Variants in EYS observed in about 807,000 individuals in gnomAD.
The protein encoded by EYS is EGF-like photoreceptor maintenance factor, also known as protein eyes shut homolog.
EYS carries 250 observed loss-of-function variants against 282.1 expected under a neutral mutation model. The observed-to-expected ratio is 0.89, with a 90% CI of 0.80 to 0.98. The LOEUF (loss-of-function observed/expected upper bound fraction) is 0.98, where lower values mean the gene tolerates loss of function less well. EYS is among the 50% of genes least tolerant of loss of function. The pLI, the probability that EYS is intolerant of heterozygous loss-of-function variation, is 0.00. For synonymous variants in EYS, 1,355 were observed against 1,282.9 expected, an observed-to-expected ratio of 1.06 and a Z score of -1.20; for missense variants, 4,016 against 3,709.0, an observed-to-expected ratio of 1.08 and a Z score of -2.15.
chr6:65,129,990 A>T (rs1007931450), intron 12 of EYS, among the ~76,000 whole-genome samples: 1 of 151,976 alleles, frequency 6.6e-6, no homozygotes. Flanking sequence ...AAAGAAAAAA[A>T]ATCATTTCAT....
intron 22 of EYS, among the ~76,000 whole-genome samples, chr6:64,661,591 C>T (rs1374888772): frequency 1.3e-5 from 2 of 151,792 alleles, no homozygotes; most frequent in African/African-American, 4.8e-5. Flanking sequence ...ACAGACACTT[C>T]TCAAAAGAAG....
chr6:64,019,759 T>C (rs1371256835), intron 33 of EYS, among the ~76,000 whole-genome samples: 1 of 151,030 alleles, frequency 6.6e-6, no homozygotes, highest in Non-Finnish European at 1.5e-5. Context: ...AAGCAAAGGT[T>C]TGAATACTAA....
rs141378447 is a variant in EYS, at chr6:64,278,772, C to T, written c.6191+28198G>A. 3.0e-3 allele frequency among the ~76,000 whole-genome samples: 450 copies of T among 152,078 alleles called. 3 individuals are homozygous for T. The highest frequency in any genetic ancestry group is 0.01 in the African/African-American group (421 of 41,484). ...TTTCTCTCTGTCTCTCCTCCCTCTCCTCTCTTTCTGAGATAGGGTCTCGCT... is the reference window on the plus strand; with the variant it reads ...TTTCTCTCTGTCTCTCCTCCCTCTCTTCTCTTTCTGAGATAGGGTCTCGCT... On this transcript the variant is annotated intron_variant, in intron 30 of 42. Transcript: ENST00000503581.
At chr6:64,277,263 T>C (rs1343180342) in intron 30 of EYS, among the ~76,000 whole-genome samples, 2 of 152,174 alleles carry the variant, frequency 1.3e-5, no homozygotes, top group Non-Finnish European at 1.5e-5. Flanking sequence ...CACAGGTGTA[T>C]TGAACACATC....
chr6:63,860,233 TA>T (rs1026823070), intron 36 of EYS, among the ~76,000 whole-genome samples: 3 of 152,202 alleles, frequency 2.0e-5, no homozygotes, highest in African/African-American at 7.2e-5. Flanking sequence ...CCTGTTGATG[TA>T]AAAAAGGTTT....
At chr6:64,708,951 A>G (rs1365684314) in intron 22 of EYS, among the ~76,000 whole-genome samples, 1 of 152,194 alleles carries the variant, frequency 6.6e-6, no homozygotes, top group African/African-American at 2.4e-5. Context: ...AGTTTTTGAC[A>G]TCGTGTTTAA....
Position 65,494,748 on chromosome 6 carries a change from T to A in EYS, c.663A>T (p.Pro221=), listed in dbSNP as rs1230479706. ...TAATGCAACTGCCATTATTTTTACA[T>A]GGTTTAAAAGAACATGCATCAAGTT... is the stretch of plus-strand genomic sequence containing the variant. ...CQELDACSFK[P]CKNNGSCINK... Residue 221 remains proline, a synonymous_variant, in exon 4 of 43, where the codon CCA becomes CCT. Transcript: ENST00000503581. The A allele has an allele frequency of 6.2e-6, 10 of 1,613,704 alleles. No individual in the cohort carries two copies. Among genetic ancestry groups the A allele is most frequent in the Middle Eastern group, 1.6e-4 (1 of 6,084 alleles).
chr6:65,512,817 A>G (rs1766950232), intron 2 of EYS, among the ~76,000 whole-genome samples: 2 of 152,134 alleles, frequency 1.3e-5, no homozygotes, highest in Admixed American at 1.3e-4. Context: ...TATAGCACCA[A>G]ATGCCCACAA....
chr6:64,106,704 C>T (rs767709683), intron 31 of EYS, among the ~76,000 whole-genome samples: 12 of 151,416 alleles, frequency 7.9e-5, no homozygotes, highest in Non-Finnish European at 1.5e-4. Flanking sequence ...CCTGGGTTTG[C>T]GGTTTGATGT....
intron 11 of EYS, among the ~76,000 whole-genome samples, chr6:65,318,441 G>A (rs1169199669): frequency 6.7e-6 from 1 of 149,496 alleles, no homozygotes; most frequent in Non-Finnish European, 1.5e-5. Context: ...CGTGTGGGAG[G>A]AGACTTCACA....
chr6:65,219,979 C>A (rs1273044937), intron 12 of EYS, among the ~76,000 whole-genome samples: 1 of 152,040 alleles, frequency 6.6e-6, no homozygotes, highest in Non-Finnish European at 1.5e-5. Context: ...ATGGGAGCTA[C>A]AATTCAAGAT....
At chr6:65,683,109 A>G (rs1418545708) in intron 1 of EYS, among the ~76,000 whole-genome samples, 1 of 152,002 alleles carries the variant, frequency 6.6e-6, no homozygotes, top group Admixed American at 6.6e-5. Flanking sequence ...TAAATTCCCA[A>G]ACCTTCTTTA....
In EYS at chr6:64,918,506, T is replaced by G. The variant is rs138217112; in HGVS notation, c.2382-5763A>C. Among the ~76,000 whole-genome samples the G allele has an allele frequency of 4.6e-5, 7 of 152,304 alleles. No homozygotes were observed. In the East Asian group the frequency reaches 1.4e-3, roughly 29 times the overall value. On this transcript the variant is annotated intron_variant, in intron 15 of 42. Transcript: ENST00000503581. ...GGGAGTAACATTGATTGTTATCCAG[T>G]AGATGGATTAACATAGGGACAGCTT...
intron 26 of EYS, among the ~76,000 whole-genome samples, chr6:64,549,804 T>C (rs564851107): frequency 5.3e-5 from 8 of 151,964 alleles, no homozygotes; most frequent in African/African-American, 7.2e-5. Flanking sequence ...GTTACATATG[T>C]ATACATGTGC....
intron 19 of EYS, among the ~76,000 whole-genome samples, chr6:64,836,062 A>G (rs927137256): frequency 6.6e-6 from 1 of 151,338 alleles, no homozygotes; most frequent in African/African-American, 2.4e-5. Flanking sequence ...ATAATCGCTC[A>G]AATCTCATAA....
At chr6:64,844,118 A>G (rs930122804) in intron 19 of EYS, among the ~76,000 whole-genome samples, 2 of 152,142 alleles carry the variant, frequency 1.3e-5, no homozygotes, top group African/African-American at 4.8e-5. Flanking sequence ...TGTAAGTCCA[A>G]TTAAACCTCT....
chr6:64,941,184 C>A (rs530076167), intron 15 of EYS, among the ~76,000 whole-genome samples: 1 of 151,994 alleles, frequency 6.6e-6, no homozygotes, highest in Admixed American at 6.6e-5. Flanking sequence ...AGTTCGAGAC[C>A]AGCCTGGCTA....
intron 41 of EYS, among the ~76,000 whole-genome samples, chr6:63,741,381 A>G (rs941828474): frequency 1.3e-5 from 2 of 152,232 alleles, no homozygotes; most frequent in African/African-American, 4.8e-5. Flanking sequence ...ATGAAGTACC[A>G]TCTGATTTAT....
chr6:64,649,197 T>C (rs537164137), intron 22 of EYS, among the ~76,000 whole-genome samples: 3 of 152,304 alleles, frequency 2.0e-5, no homozygotes, highest in South Asian at 2.1e-4. Flanking sequence ...CACTTTACCA[T>C]CATAAAACTT....
Sources: gnomAD v4.1 joint callset for allele counts (sites outside exome capture counted in the v4.1 genomes callset) on GRCh38, gnomAD v4.1.1 for gene constraint, MANE v1.5 for transcripts, NCBI Gene and HGNC (gene_info 2026-07-23, HGNC 2026-07-21) for gene names.